The following UBR1 variants were observed in gnomAD, a reference collection of about 807,000 sequenced individuals.
UBR1 encodes the protein ubiquitin protein ligase E3 component n-recognin 1.
A neutral mutation model predicts 242.1 loss-of-function variants in UBR1; 102 were observed. The ratio of observed to expected loss-of-function variants is 0.42; its 90% confidence interval spans 0.36 to 0.50. UBR1 has a LOEUF of 0.50. Ranked by LOEUF, UBR1 falls within the 20% of genes least tolerant of loss-of-function variation. The pLI is 0.01. For missense variants in UBR1, 1,772 were observed against 2,101.8 expected (o/e 0.84, Z 3.07); for synonymous variants, 675 against 684.8 (o/e 0.99, Z 0.22).
chr15:42,993,368 T>TC (rs2032585530), intron 33 of UBR1, among the ~76,000 whole-genome samples: 1 of 151,202 alleles, frequency 6.6e-6, no homozygotes, highest in East Asian at 1.9e-4. Flanking sequence ...GAAATGTCTT[T>TC]TTTTTTTTTT....
intron 32 of UBR1, among the ~76,000 whole-genome samples, chr15:43,001,844 C>A (rs536801893): frequency 6.6e-6 from 1 of 152,050 alleles, no homozygotes; most frequent in Non-Finnish European, 1.5e-5. Context: ...AGAGCTATAG[C>A]ATTTGGATCT....
rs959355485 is a variant in UBR1, at chr15:43,015,756, A to T, written c.3141T>A (p.Thr1047=). The change falls in exon 29 of 47, where the codon ACT becomes ACA. Residue 1047 remains threonine (T), a synonymous_variant. Coordinates refer to ENST00000290650, the MANE Select transcript of UBR1 (RefSeq NM_174916.3). ...MSALQKNFIE[T]HKLMYDNTSE... ...ATGTATTGTCATACATGAGTTTATG[A>T]GTTTCAATGAAGTTTTTCTGTAAGG... 6.2e-7 allele frequency: 1 copy of T among 1,614,036 alleles called. No homozygotes were observed. The highest frequency in any genetic ancestry group is 1.3e-5 in the African/African-American group (1 of 74,916).
chr15:42,956,585 C>T (rs555217971), intron 44 of UBR1, among the ~76,000 whole-genome samples: 1 of 152,328 alleles, frequency 6.6e-6, no homozygotes, highest in African/African-American at 2.4e-5. Context: ...CATGGCCTCC[C>T]AAAGTGCTGG....
At chr15:43,078,543 G>T (rs997453419) in intron 3 of UBR1, among the ~76,000 whole-genome samples, 2 of 152,140 alleles carry the variant, frequency 1.3e-5, no homozygotes, top group African/African-American at 4.8e-5. Context: ...GGGCAAAAAT[G>T]CAAATAAGAG....
In UBR1 at chr15:43,025,001, T is replaced by G. The variant is rs775313309; in HGVS notation, c.2585-18A>C. On this transcript the variant is annotated intron_variant, in intron 24 of 46. Coordinates refer to ENST00000290650, the MANE Select transcript of UBR1 (RefSeq NM_174916.3). ...CGGCAATGCTATAGGAGGTGGGGAATGGATGGGGAAAGAGACAAACAGGTA... is the reference window on the plus strand; with the variant it reads ...CGGCAATGCTATAGGAGGTGGGGAAGGGATGGGGAAAGAGACAAACAGGTA... The G allele has an allele frequency of 5.6e-6, 9 of 1,613,444 alleles. No homozygotes were observed. The South Asian group carries it at 9.9e-5, about 18-fold the overall frequency.
intron 25 of UBR1, 109 bp downstream of exon 25, chr15:43,024,720 G>T (rs2033156731): frequency 1.3e-6 from 2 of 1,493,856 alleles, no homozygotes; most frequent in Non-Finnish European, 1.9e-6. Context: ...TGACCCCTAT[G>T]TTTCCGGTGC....
intron 19 of UBR1, among the ~76,000 whole-genome samples, chr15:43,034,542 G>T (rs991782761): frequency 1.3e-5 from 2 of 152,098 alleles, no homozygotes; most frequent in African/African-American, 4.8e-5. Flanking sequence ...CTGAAAGAGA[G>T]AGCTTAAATA....
chr15:43,043,142 A>C, intron 15 of UBR1, 73 bp downstream of exon 15: 1 of 1,555,852 alleles, frequency 6.4e-7, no homozygotes, highest in Non-Finnish European at 8.8e-7. Context: ...ACAAAAATAG[A>C]AATGATTCTA....
intron 30 of UBR1, among the ~76,000 whole-genome samples, chr15:43,005,950 C>CGG (rs1043923747): frequency 2.0e-5 from 3 of 149,786 alleles, no homozygotes; most frequent in African/African-American, 7.4e-5. Flanking sequence ...ACAAACACTG[C>CGG]GGAAGGCCGC....
chr15:43,020,404 T>C (rs1258571040), intron 27 of UBR1, among the ~76,000 whole-genome samples: 1 of 152,208 alleles, frequency 6.6e-6, no homozygotes, highest in African/African-American at 2.4e-5. Flanking sequence ...ATAGATTTTA[T>C]CTTCATACAC....
In UBR1 at chr15:42,945,303, T is replaced by C. The variant is rs2031713138; in HGVS notation, c.*26A>G. ...CAGCCTTTACTACTGTCGTCATTTG[T>C]GATTGTCTTGAGGCAGAGTTGGAGC... On this transcript the variant is annotated 3_prime_UTR_variant, in exon 47 of 47. Transcript: ENST00000290650. The C allele has an allele frequency of 1.2e-6, 2 of 1,614,018 alleles. No homozygotes were observed. The highest frequency in any genetic ancestry group is 1.7e-5 in the Admixed American group (1 of 60,006).
intron 45 of UBR1, among the ~76,000 whole-genome samples, chr15:42,951,473 C>T (rs554820083): frequency 5.4e-4 from 82 of 152,120 alleles, no homozygotes; most frequent in Non-Finnish European, 9.4e-4. Flanking sequence ...CTACCTGCCT[C>T]GGGCCTCCCA....
intron 1 of UBR1, among the ~76,000 whole-genome samples, chr15:43,098,782 C>T (rs549112670): frequency 6.6e-6 from 1 of 152,090 alleles, no homozygotes; most frequent in Non-Finnish European, 1.5e-5. Flanking sequence ...TTCCCTAACT[C>T]CCCAAAATAG....
intron 39 of UBR1, among the ~76,000 whole-genome samples, chr15:42,972,364 CTTT>C (rs2032220841): frequency 6.6e-6 from 1 of 152,054 alleles, no homozygotes; most frequent in East Asian, 1.9e-4. Flanking sequence ...CTCATTTCTT[CTTT>C]TTATTTTTTT....
At chr15:42,984,795 A>C in intron 36 of UBR1, 92 bp downstream of exon 36, 1 of 1,186,846 alleles carries the variant, frequency 8.4e-7, no homozygotes, top group Non-Finnish European at 1.2e-6. Context: ...TTTTACAGAA[A>C]ATGAGTAAAG....
At chr15:43,098,023 A>G (rs1025035287) in intron 1 of UBR1, among the ~76,000 whole-genome samples, 1 of 152,180 alleles carries the variant, frequency 6.6e-6, no homozygotes, top group East Asian at 1.9e-4. Flanking sequence ...AAGCTTCATC[A>G]TTTCTAGCTT....
chr15:43,019,426 TTAAAAGTA>T (rs1443671367), intron 27 of UBR1, among the ~76,000 whole-genome samples: 1 of 152,098 alleles, frequency 6.6e-6, no homozygotes, highest in African/African-American at 2.4e-5. Context: ...AGCTGCCCTC[TTAAAAGTA>T]TAAATCAGTA....
intron 43 of UBR1, 135 bp from the exon 44 acceptor site, chr15:42,958,225 G>A (rs2031955609): frequency 1.5e-6 from 1 of 667,382 alleles, no homozygotes; most frequent in Non-Finnish European, 2.6e-6. Flanking sequence ...TCCCACTGTT[G>A]ACTTGATCAA....
At chr15:43,015,660 T>C (rs1567126469) in intron 29 of UBR1, 28 bp downstream of exon 29, 3 of 1,610,738 alleles carry the variant, frequency 1.9e-6, no homozygotes, top group Admixed American at 1.7e-5. Context: ...AAAATTGAGT[T>C]GGTAATTTTT....
Sources: gnomAD v4.1 joint callset for allele counts (sites outside exome capture counted in the v4.1 genomes callset) on GRCh38, gnomAD v4.1.1 for gene constraint, MANE v1.5 for transcripts, NCBI Gene and HGNC (gene_info 2026-07-23, HGNC 2026-07-21) for gene names.